ABCC2: variants seen among roughly 807,000 people sequenced by gnomAD.
ABCC2 encodes ATP-binding cassette sub-family C member 2.
A neutral mutation model predicts 173.4 loss-of-function variants in ABCC2; 157 were observed. That is an observed-to-expected ratio of 0.91 (90% CI 0.80 to 1.03). The LOEUF is 1.03. ABCC2 is among the 50% of genes least tolerant of loss of function. The pLI is 0.00. For synonymous variants in ABCC2, 657 were observed against 693.5 expected (o/e 0.95, Z 0.83); for missense variants, 1,822 against 1,852.3 (o/e 0.98, Z 0.30).
chr10:99,785,491 A>AT (rs989906078), intron 2 of ABCC2, among the ~76,000 whole-genome samples: 46 of 150,774 alleles, frequency 3.1e-4, no homozygotes, highest in African/African-American at 4.9e-4. Context: ...TCTTTTCACT[A>AT]TTTTTTTTTC....
At chr10:99,836,991 T>C (rs1196390634) in intron 25 of ABCC2, among the ~76,000 whole-genome samples, 1 of 152,240 alleles carries the variant, frequency 6.6e-6, no homozygotes. Context: ...TGTAAAGATA[T>C]TTTATTTCTT....
intron 19 of ABCC2, among the ~76,000 whole-genome samples, chr10:99,825,251 T>C (rs1047680914): frequency 1.3e-5 from 2 of 152,188 alleles, no homozygotes; most frequent in African/African-American, 4.8e-5. Context: ...AACAGTACTT[T>C]CTTGATTATC....
chr10:99,793,181 G>GCA, intron 3 of ABCC2, among the ~76,000 whole-genome samples: 1 of 152,284 alleles, frequency 6.6e-6, no homozygotes, highest in Non-Finnish European at 1.5e-5. Context: ...CAGACACCTT[G>GCA]CACCTAATTA....
At chr10:99,814,303 A>C (rs547209468) in intron 16 of ABCC2, among the ~76,000 whole-genome samples, 5 of 72,304 alleles carry the variant, frequency 6.9e-5, no homozygotes, top group Non-Finnish European at 1.4e-4. Flanking sequence ...GTATGTATAC[A>C]CACATGTATA....
chr10:99,835,773 A>G (rs987739724), intron 24 of ABCC2, among the ~76,000 whole-genome samples: 1 of 152,130 alleles, frequency 6.6e-6, no homozygotes, highest in Non-Finnish European at 1.5e-5. Flanking sequence ...CACATGGATG[A>G]TAGCCGTAGA....
intron 10 of ABCC2, 139 bp downstream of exon 10, chr10:99,804,412 C>A: frequency 8.6e-7 from 1 of 1,169,096 alleles, no homozygotes; most frequent in Non-Finnish European, 1.2e-6. Context: ...TTGTACTTAG[C>A]TGTCTCTGAG....
chr10:99,840,761 C>T (rs1158290630), intron 25 of ABCC2, among the ~76,000 whole-genome samples: 2 of 152,202 alleles, frequency 1.3e-5, no homozygotes, highest in African/African-American at 4.8e-5. Flanking sequence ...ATGATCCGCC[C>T]GCCTCAGCCT....
Position 99,805,407 on chromosome 10 carries a change from A to C in ABCC2, c.1490A>C (p.Lys497Thr), listed in dbSNP as rs779734655. 1.4e-5 allele frequency: 22 copies of C among 1,613,884 alleles called. No individual in the cohort carries two copies. The highest frequency in any genetic ancestry group is 1.7e-5 in the Non-Finnish European group (20 of 1,179,944). ...IQVKNMKNKD[K>T]RLKIMNEILS... is the part of the protein sequence containing the mutation. The stretch of plus-strand genomic sequence containing the variant: ...GTCAAAAATATGAAGAATAAAGACA[A>C]ACGTTTAAAGATCATGAATGAGATT... Residue 497 changes from lysine (K) to threonine (T), a missense_variant, in exon 11 of 32, where the codon AAA becomes ACA. Transcript: ENST00000647814.
chr10:99,826,824 T>A (rs1400648743), intron 19 of ABCC2, among the ~76,000 whole-genome samples: 17 of 93,610 alleles, frequency 1.8e-4, no homozygotes, highest in Non-Finnish European at 3.0e-4. Context: ...TGTCCTCATA[T>A]AAGGGGATTT....
Position 99,808,096 on chromosome 10 carries a change from C to T in ABCC2, c.1682C>T (p.Thr561Ile), listed in dbSNP as rs2038144102. The change falls in exon 13 of 32, where the codon ACA becomes ATA. Residue 561 changes from threonine (T) to isoleucine (I), a missense_variant. Thr to Ile is a moderately conservative substitution (Grantham distance 89). Transcript: ENST00000647814. The stretch of plus-strand genomic sequence containing the variant: ...TGCCCTTTCCAGGTATCTGTGGTCA[C>T]ATTTTCTGTTTATGTCCTGGTGGAT... ...QLTPVLVSVV[T>I]FSVYVLVDSN... 6.2e-7 allele frequency: 1 copy of T among 1,614,000 alleles called. No homozygotes were observed. The highest frequency in any genetic ancestry group is 8.5e-7 in the Non-Finnish European group (1 of 1,179,990).
intron 25 of ABCC2, among the ~76,000 whole-genome samples, chr10:99,841,422 G>A (rs1027857666): frequency 4.6e-5 from 7 of 152,114 alleles, no homozygotes; most frequent in Non-Finnish European, 7.4e-5. Context: ...GGGTGTAGTG[G>A]TGTGCACCTA....
intron 13 of ABCC2, 130 bp downstream of exon 13, chr10:99,808,359 T>C: frequency 1.5e-5 from 18 of 1,205,312 alleles, no homozygotes; most frequent in Non-Finnish European, 2.1e-5. Context: ...GTTTGGTCTC[T>C]GGAGACCAAT....
At chr10:99,828,371 G>C (rs2038681269) in intron 19 of ABCC2, among the ~76,000 whole-genome samples, 1 of 152,136 alleles carries the variant, frequency 6.6e-6, no homozygotes, top group African/African-American at 2.4e-5. Flanking sequence ...AAGGTGAGCT[G>C]CACTGAGATT....
intron 9 of ABCC2, among the ~76,000 whole-genome samples, chr10:99,803,618 AAAGT>A (rs1188166343): frequency 2.6e-5 from 4 of 152,220 alleles, no homozygotes; most frequent in African/African-American, 9.6e-5. Flanking sequence ...AGAAAAAAAC[AAAGT>A]AATTATGGTT....
At chr10:99,794,614 G>C (rs1430526618) in intron 6 of ABCC2, 146 bp downstream of exon 6, 1 of 731,988 alleles carries the variant, frequency 1.4e-6, no homozygotes, top group Non-Finnish European at 2.2e-6. Context: ...GTGTGATCTT[G>C]GCTCACTGCA....
chr10:99,848,023 G>A (rs996227912), intron 30 of ABCC2, among the ~76,000 whole-genome samples: 10 of 152,224 alleles, frequency 6.6e-5, no homozygotes, highest in Non-Finnish European at 1.5e-4. Context: ...GAGGCTCCCA[G>A]CTGTGCACAA....
chr10:99,850,160 A>G (rs556571098), intron 30 of ABCC2, among the ~76,000 whole-genome samples: 2 of 152,232 alleles, frequency 1.3e-5, no homozygotes, highest in Non-Finnish European at 2.9e-5. Flanking sequence ...GCTCCACCCT[A>G]TATTAATGGC....
At chr10:99,826,037 A>G (rs2038632907) in intron 19 of ABCC2, among the ~76,000 whole-genome samples, 1 of 152,184 alleles carries the variant, frequency 6.6e-6, no homozygotes, top group African/African-American at 2.4e-5. Flanking sequence ...AACGACATTG[A>G]CTAGCCCAAT....
intron 15 of ABCC2, among the ~76,000 whole-genome samples, chr10:99,812,156 C>G (rs940725495): frequency 2.0e-5 from 3 of 152,182 alleles, no homozygotes; most frequent in Non-Finnish European, 4.4e-5. Flanking sequence ...ATCTTACTGT[C>G]TCCTTACTAT....
Sources: gnomAD v4.1 joint callset for allele counts (sites outside exome capture counted in the v4.1 genomes callset) on GRCh38, gnomAD v4.1.1 for gene constraint, MANE v1.5 for transcripts, NCBI Gene and HGNC (gene_info 2026-07-23, HGNC 2026-07-21) for gene names.